The following PRPSAP2 variants were observed in gnomAD, a reference collection of about 807,000 sequenced individuals.
PRPSAP2 encodes the protein phosphoribosyl pyrophosphate synthase-associated protein 2.
Under a neutral mutation model 40.6 loss-of-function variants are expected in PRPSAP2, and 24 were observed. That is an observed-to-expected ratio of 0.59 (90% confidence interval 0.43 to 0.83). PRPSAP2 has a LOEUF of 0.83. Among genes scored for constraint, PRPSAP2 ranks in the 40% least tolerant of loss-of-function variants. The pLI is 0.00. For missense variants in PRPSAP2, 292 were observed against 465.6 expected (o/e 0.63, Z 3.43); for synonymous variants, 149 against 164.7 (o/e 0.90, Z 0.73).
At chr17:18,902,427 A>G (rs531001661) in intron 8 of PRPSAP2, among the ~76,000 whole-genome samples, 1 of 152,318 alleles carries the variant, frequency 6.6e-6, no homozygotes, top group Non-Finnish European at 1.5e-5. Context: ...AGCAGTTATA[A>G]TCTCTCATAG....
intron 9 of PRPSAP2, among the ~76,000 whole-genome samples, chr17:18,918,785 AGC>A (rs2041516205): frequency 6.6e-6 from 1 of 152,188 alleles, no homozygotes; most frequent in Non-Finnish European, 1.5e-5. Context: ...CGGGGTGGGG[AGC>A]AGTGGGAGTG....
At position 18,911,646 on chromosome 17, in the gene PRPSAP2, G is replaced by A. The variant is rs1033785389; in HGVS notation, c.733+395G>A. 5.3e-5 allele frequency among the ~76,000 whole-genome samples: 8 copies of A among 152,156 alleles called. No individual in the cohort carries two copies. The highest frequency in any genetic ancestry group is 1.0e-4 in the Non-Finnish European group (7 of 68,028). On this transcript the variant is annotated intron_variant, in intron 9 of 11. Coordinates refer to ENST00000268835, the MANE Select transcript of PRPSAP2 (RefSeq NM_002767.4). The surrounding 1 kb of genome is among the most constrained non-coding windows in gnomAD (Gnocchi z 4.5). The stretch of plus-strand genomic sequence containing the variant: ...GGTTTAAATGGTTTACCAGAGTGTA[G>A]GGCTTGGTAAATTATACTGTGTCAG...
intron 7 of PRPSAP2, among the ~76,000 whole-genome samples, chr17:18,885,490 TG>T (rs1227145463): frequency 6.6e-6 from 1 of 152,038 alleles, no homozygotes; most frequent in East Asian, 1.9e-4. Flanking sequence ...TTCTTTTTTT[TG>T]GAGACAGTCT....
intron 1 of PRPSAP2, among the ~76,000 whole-genome samples, chr17:18,862,450 G>A (rs1317976002): frequency 9.6e-6 from 1 of 103,742 alleles, no homozygotes; most frequent in East Asian, 2.2e-4. Flanking sequence ...GTTAGGGGGT[G>A]TAAAAAAAAT....
chr17:18,886,198 T>G (rs988874335), intron 7 of PRPSAP2, among the ~76,000 whole-genome samples: 2 of 152,192 alleles, frequency 1.3e-5, no homozygotes, highest in African/African-American at 2.4e-5. Flanking sequence ...ACTGTGGCAC[T>G]GTGCCTTCTT....
chr17:18,890,472 A>G (rs944273827), intron 8 of PRPSAP2, among the ~76,000 whole-genome samples: 8 of 151,960 alleles, frequency 5.3e-5, no homozygotes, highest in African/African-American at 1.9e-4. Flanking sequence ...ACTGGGCCTT[A>G]TTTTTATTTT....
intron 9 of PRPSAP2, among the ~76,000 whole-genome samples, chr17:18,918,646 G>A (rs1251135993): frequency 1.3e-5 from 2 of 152,224 alleles, no homozygotes; most frequent in African/African-American, 4.8e-5. Flanking sequence ...GGATAGGGCT[G>A]CAAGTGCAGA....
intron 4 of PRPSAP2, among the ~76,000 whole-genome samples, chr17:18,868,400 G>C (rs1231586169): frequency 6.6e-6 from 1 of 151,940 alleles, no homozygotes; most frequent in African/African-American, 2.4e-5. Flanking sequence ...GCTTGAACCC[G>C]GGCGGTGGAG....
chr17:18,903,266 C>T (rs191415284), intron 8 of PRPSAP2, among the ~76,000 whole-genome samples: 3 of 149,394 alleles, frequency 2.0e-5, no homozygotes, highest in Admixed American at 6.6e-5. Flanking sequence ...GAGCCCAGAT[C>T]GTGCCATTGC....
chr17:18,886,491 G>A (rs760864043), intron 7 of PRPSAP2, among the ~76,000 whole-genome samples: 24 of 151,966 alleles, frequency 1.6e-4, no homozygotes, highest in African/African-American at 5.3e-4. Flanking sequence ...CCCAGTAGCT[G>A]GGACTACAGG....
At chr17:18,858,411 G>GT (rs2036753653) in intron 1 of PRPSAP2, 150 bp downstream of exon 1, 1 of 152,464 alleles carries the variant, frequency 6.6e-6, no homozygotes, top group African/African-American at 2.4e-5. Context: ...GCTCACTGGG[G>GT]CGATCTCGCG....
intron 5 of PRPSAP2, among the ~76,000 whole-genome samples, chr17:18,875,180 A>G (rs12451200): frequency 0.53 from 80,320 of 151,992 alleles, 21,487 homozygotes; most frequent in Middle Eastern, 0.6. Flanking sequence ...CATACCTGAC[A>G]TAAGCTTGTG....
intron 8 of PRPSAP2, among the ~76,000 whole-genome samples, chr17:18,898,642 A>AGTTGGTT (rs975472516): frequency 3.8e-4 from 58 of 152,282 alleles, no homozygotes; most frequent in African/African-American, 1.3e-3. Flanking sequence ...TCTGATGAGA[A>AGTTGGTT]GTTGGTTATC....
chr17:18,872,975 T>C (rs1002253492), intron 5 of PRPSAP2, among the ~76,000 whole-genome samples: 3 of 151,622 alleles, frequency 2.0e-5, no homozygotes, highest in Admixed American at 1.3e-4. Context: ...CCCGAGTAGC[T>C]GGTACTACAG....
intron 9 of PRPSAP2, among the ~76,000 whole-genome samples, chr17:18,915,598 A>G (rs1319252035): frequency 6.6e-6 from 1 of 152,196 alleles, no homozygotes; most frequent in Non-Finnish European, 1.5e-5. Context: ...AAGAAAAGTG[A>G]GCAGGCGGGT....
At chr17:18,915,639 G>A (rs1435513161) in intron 9 of PRPSAP2, among the ~76,000 whole-genome samples, 4 of 152,092 alleles carry the variant, frequency 2.6e-5, no homozygotes, top group East Asian at 1.9e-4. Flanking sequence ...GAGAGGAAAC[G>A]AGAGAGCCTG....
intron 11 of PRPSAP2, 39 bp downstream of exon 11, chr17:18,928,996 G>C (rs1296644357): frequency 6.3e-7 from 1 of 1,587,786 alleles, no homozygotes; most frequent in South Asian, 1.1e-5. Flanking sequence ...AGCTGCCTGG[G>C]CTTTTGGCAC....
chr17:18,871,731 G>C (rs1283325581), intron 4 of PRPSAP2, among the ~76,000 whole-genome samples: 1 of 151,008 alleles, frequency 6.6e-6, no homozygotes, highest in Non-Finnish European at 1.5e-5. Flanking sequence ...CACAATCTCG[G>C]CTCACCGCAA....
intron 10 of PRPSAP2, among the ~76,000 whole-genome samples, chr17:18,926,790 G>T (rs1009714832): frequency 8.6e-5 from 13 of 151,896 alleles, no homozygotes; most frequent in African/African-American, 3.1e-4. Flanking sequence ...GTGTGTGTGT[G>T]TGTGTGTGTG....
Sources: allele counts gnomAD v4.1 joint callset (sites outside exome capture counted in the v4.1 genomes callset), GRCh38; gene constraint gnomAD v4.1.1; non-coding constraint Gnocchi (gnomAD v3.1); transcripts MANE v1.5; gene names NCBI Gene and HGNC (gene_info 2026-07-23, HGNC 2026-07-21).